NRG3: variants seen among roughly 807,000 people sequenced by gnomAD.
The protein encoded by NRG3 is neuregulin 3.
A neutral mutation model predicts 66.9 loss-of-function variants in NRG3; 31 were observed. That is an observed-to-expected ratio of 0.46 (90% CI 0.35 to 0.63). The LOEUF (loss-of-function observed/expected upper bound fraction) is 0.63, where lower values mean the gene tolerates loss of function less well. Among genes scored for constraint, NRG3 ranks in the 20% least tolerant of loss-of-function variants. The pLI is 0.00. For synonymous variants in NRG3, 393 were observed against 359.4 expected, an observed-to-expected ratio of 1.09 and a Z score of -1.06; for missense variants, 910 against 878.9, an observed-to-expected ratio of 1.04 and a Z score of -0.45.
chr10:82,797,238 C>T (rs567932158), intron 3 of NRG3, among the ~76,000 whole-genome samples: 1 of 152,174 alleles, frequency 6.6e-6, no homozygotes, highest in Non-Finnish European at 1.5e-5. Context: ...GGCTCTTCAT[C>T]ACTGCCATAG....
At chr10:82,639,727 G>T (rs775243291) in intron 2 of NRG3, among the ~76,000 whole-genome samples, 1 of 151,804 alleles carries the variant, frequency 6.6e-6, no homozygotes, top group Admixed American at 6.6e-5. Flanking sequence ...TTTCTTGGCT[G>T]TAAGAATTTC....
At chr10:82,717,147 C>A (rs1481937036) in intron 2 of NRG3, among the ~76,000 whole-genome samples, 1 of 151,960 alleles carries the variant, frequency 6.6e-6, no homozygotes, top group Non-Finnish European at 1.5e-5. Flanking sequence ...AAATACAATA[C>A]CTTAAAGATG....
At chr10:82,381,847 C>G (rs2085639008) in intron 2 of NRG3, among the ~76,000 whole-genome samples, 2 of 152,086 alleles carry the variant, frequency 1.3e-5, no homozygotes, top group Non-Finnish European at 2.9e-5. Flanking sequence ...GCAGCAAGGC[C>G]ACTACTGATG....
chr10:82,348,878 C>T (rs2083214913), intron 1 of NRG3, among the ~76,000 whole-genome samples: 1 of 148,908 alleles, frequency 6.7e-6, no homozygotes, highest in Admixed American at 6.7e-5. Flanking sequence ...GAGGCTTCTG[C>T]ATTCTTCACG....
chr10:82,894,338 C>T (rs2131823778), intron 4 of NRG3, among the ~76,000 whole-genome samples: 1 of 152,062 alleles, frequency 6.6e-6, no homozygotes, highest in African/African-American at 2.4e-5. Flanking sequence ...TTAAATAAGC[C>T]TAGCATATAT....
chr10:82,052,236 A>G (rs1407585060), intron 1 of NRG3, among the ~76,000 whole-genome samples: 1 of 152,130 alleles, frequency 6.6e-6, no homozygotes, highest in African/African-American at 2.4e-5. Context: ...CAAAACTCAC[A>G]TTTAGTCTTT....
chr10:81,933,813 G>A (rs147081575), intron 1 of NRG3, among the ~76,000 whole-genome samples: 94 of 152,164 alleles, frequency 6.2e-4, no homozygotes, highest in Non-Finnish European at 1.1e-3. Flanking sequence ...TGCTACAAAT[G>A]ATGTTGGCAT....
intron 4 of NRG3, among the ~76,000 whole-genome samples, chr10:82,886,640 C>T (rs1842740068): frequency 6.6e-6 from 1 of 152,162 alleles, no homozygotes; most frequent in Admixed American, 6.5e-5. Context: ...CACACTGTGG[C>T]TGAACGGACC....
At chr10:81,935,878 C>A (rs1220050815) in intron 1 of NRG3, among the ~76,000 whole-genome samples, 1 of 54,922 alleles carries the variant, frequency 1.8e-5, no homozygotes, top group Non-Finnish European at 3.3e-5. Flanking sequence ...AGTGCCTGAA[C>A]ACACACACAC....
At chr10:81,992,388 G>A (rs2060776540) in intron 1 of NRG3, among the ~76,000 whole-genome samples, 1 of 152,006 alleles carries the variant, frequency 6.6e-6, no homozygotes, top group African/African-American at 2.4e-5. Flanking sequence ...ATCTGCCCTT[G>A]CTCATTTCTC....
In NRG3 at chr10:82,159,949, T is replaced by C. The variant is rs140952005; in HGVS notation, c.824-198790T>C. Reference sequence around the variant, plus strand: ...ATGGAGCAAAAAATTCAAATTTCTTTTCACTGAGAGGTGGTGGAAAGCCTT... The same window carrying C: ...ATGGAGCAAAAAATTCAAATTTCTTCTCACTGAGAGGTGGTGGAAAGCCTT... On this transcript the variant is annotated intron_variant, in intron 1 of 8. Coordinates refer to ENST00000372141, the MANE Select transcript of NRG3 (RefSeq NM_001010848.4). Among the ~76,000 whole-genome samples, 46 of 152,060 alleles carry C rather than the reference T, an allele frequency of 3.0e-4. No homozygotes were observed. The East Asian group carries it at 8.5e-3, about 28-fold the overall frequency.
intron 2 of NRG3, among the ~76,000 whole-genome samples, chr10:82,551,617 T>A (rs911716399): frequency 2.6e-5 from 4 of 151,422 alleles, no homozygotes; most frequent in African/African-American, 7.3e-5. Context: ...TTTTTTTTTT[T>A]AAATCAGATA....
At chr10:82,047,587 G>A (rs1323351429) in intron 1 of NRG3, among the ~76,000 whole-genome samples, 1 of 151,368 alleles carries the variant, frequency 6.6e-6, no homozygotes, top group Non-Finnish European at 1.5e-5. Flanking sequence ...CCCTAAAAGA[G>A]CTCCTGAAGG....
chr10:82,787,792 C>A lies in NRG3; in HGVS notation c.1027+49142C>A, dbSNP rs201904162. On this transcript the variant is annotated intron_variant, in intron 3 of 8. Transcript: ENST00000372141. ...AAATCTGAATGTCAAAAGTCAAATA[C>A]AAATGTCAAGGCCATTCCACATCAC... 7.9e-5 allele frequency among the ~76,000 whole-genome samples: 12 copies of A among 152,268 alleles called. No individual in the cohort carries two copies. The East Asian group carries it at 2.3e-3, about 29-fold the overall frequency.
chr10:82,446,539 A>T (rs1208078903), intron 2 of NRG3, among the ~76,000 whole-genome samples: 2 of 152,210 alleles, frequency 1.3e-5, no homozygotes, highest in African/African-American at 4.8e-5. Flanking sequence ...GCAAAAACAG[A>T]AAAACAAACA....
intron 1 of NRG3, among the ~76,000 whole-genome samples, chr10:81,942,484 T>C (rs751644716): frequency 1.3e-5 from 2 of 152,188 alleles, no homozygotes; most frequent in South Asian, 2.1e-4. Flanking sequence ...AAACAACTGT[T>C]ATCAGCCGTT....
intron 5 of NRG3, among the ~76,000 whole-genome samples, chr10:82,957,887 G>GGTGT (rs1196369597): frequency 1.9e-5 from 2 of 103,880 alleles, no homozygotes; most frequent in Non-Finnish European, 3.8e-5. Context: ...ACTGCAAAGA[G>GGTGT]GTGTGCGTGT....
chr10:82,032,676 A>G (rs963449607), intron 1 of NRG3, among the ~76,000 whole-genome samples: 3 of 152,100 alleles, frequency 2.0e-5, no homozygotes, highest in Admixed American at 6.6e-5. Context: ...CTCATTTTAT[A>G]AGAAAGTTAT....
At chr10:82,675,278 T>C (rs1377366248) in intron 2 of NRG3, among the ~76,000 whole-genome samples, 1 of 151,920 alleles carries the variant, frequency 6.6e-6, no homozygotes, top group African/African-American at 2.4e-5. Context: ...CAAAGATTGT[T>C]TGGGGGAAGT....
Sources: allele counts gnomAD v4.1 joint callset (sites outside exome capture counted in the v4.1 genomes callset), GRCh38; gene constraint gnomAD v4.1.1; transcripts MANE v1.5; gene names NCBI Gene and HGNC (gene_info 2026-07-23, HGNC 2026-07-21).